Variants in EXPH5 observed in about 807,000 individuals in gnomAD.
EXPH5 encodes exophilin-5.
A neutral mutation model predicts 41.1 loss-of-function variants in EXPH5; 42 were observed. That is an observed-to-expected ratio of 1.02 (90% CI 0.80 to 1.32). EXPH5 has a LOEUF of 1.32. EXPH5 is among the 40% of genes most tolerant of loss of function. The pLI, the probability that EXPH5 is intolerant of heterozygous loss-of-function variation, is 0.00. For missense variants in EXPH5, 2,298 were observed against 2,314.5 expected (o/e 0.99, Z 0.15); for synonymous variants, 798 against 833.5 (o/e 0.96, Z 0.73).
At chr11:108,578,192 C>G (rs1157372273) in intron 1 of EXPH5, among the ~76,000 whole-genome samples, 1 of 152,078 alleles carries the variant, frequency 6.6e-6, no homozygotes, top group Non-Finnish European at 1.5e-5. Flanking sequence ...GTCTTTAATC[C>G]ACTTTGATTT....
intron 1 of EXPH5, among the ~76,000 whole-genome samples, chr11:108,565,676 G>A (rs145657452): frequency 4.2e-4 from 64 of 152,280 alleles, no homozygotes; most frequent in Non-Finnish European, 8.4e-4. Context: ...ATAATCAGGT[G>A]AGGGGTTCTA....
chr11:108,584,296 C>T (rs1237200967), intron 1 of EXPH5, among the ~76,000 whole-genome samples: 3 of 151,824 alleles, frequency 2.0e-5, no homozygotes, highest in Non-Finnish European at 4.4e-5. Flanking sequence ...GCCAACAGGG[C>T]GAAAACTTGT....
In EXPH5 at chr11:108,539,117, G is replaced by C; in HGVS notation, c.350C>G (p.Ser117Cys). The C allele has an allele frequency of 6.2e-7, 1 of 1,611,372 alleles. No individual in the cohort carries two copies. The highest frequency in any genetic ancestry group is 8.5e-7 in the Non-Finnish European group (1 of 1,178,370). Reference sequence around the variant, plus strand: ...AAATGACGATCTGAAGCTCATCCGGGAAGAAAAAGGTGTCGGCTTTTTTTG... The same window carrying C: ...AAATGACGATCTGAAGCTCATCCGGCAAGAAAAAGGTGTCGGCTTTTTTTG... ...TNQKKPTPFS[S>C]RMSFRSSFAS... The change falls in exon 3 of 6, where the codon TCC becomes TGC. Residue 117 changes from serine (S) to cysteine (C), a missense_variant. Physicochemically the swap from Ser to Cys is moderately radical, Grantham distance 112. Coordinates refer to ENST00000265843, the MANE Select transcript of EXPH5 (RefSeq NM_015065.3).
chr11:108,537,439 T>C (rs1305509133), intron 3 of EXPH5, among the ~76,000 whole-genome samples: 1 of 152,234 alleles, frequency 6.6e-6, no homozygotes, highest in African/African-American at 2.4e-5. Flanking sequence ...TTCTGAAAAC[T>C]GCTAAACACA....
upstream of EXPH5, among the ~76,000 whole-genome samples, chr11:108,596,915 C>T (rs551852404): frequency 2.6e-5 from 4 of 152,264 alleles, no homozygotes; most frequent in South Asian, 8.3e-4. Context: ...GTTTTATGGG[C>T]TTATTTAGCC....
At chr11:108,520,271 A>C (rs937856391) in intron 4 of EXPH5, among the ~76,000 whole-genome samples, 10 of 152,166 alleles carry the variant, frequency 6.6e-5, no homozygotes, top group Non-Finnish European at 4.4e-5. Context: ...TGATGATCAG[A>C]GGTGGAACAG....
In EXPH5 at chr11:108,510,486, G is replaced by A. The variant is rs755501292; in HGVS notation, c.5021C>T (p.Pro1674Leu). 3.1e-6 allele frequency: 5 copies of A among 1,614,026 alleles called. No homozygotes were observed. The Admixed American group carries it at 8.3e-5, about 27-fold the overall frequency. Residue 1674 changes from proline (P) to leucine (L), a missense_variant, in exon 6 of 6, where the codon CCC becomes CTC. Coordinates refer to ENST00000265843, the MANE Select transcript of EXPH5 (RefSeq NM_015065.3). ...TTCTCTGTTGGGTAGTACAGTAATG[G>A]GGAGAAGGTTCTCGGATTTCTTCAC... ...KHVKKSENLL[P>L]ITVLPNREPS...
At chr11:108,575,534 T>G (rs953451306) in intron 1 of EXPH5, among the ~76,000 whole-genome samples, 25 of 152,354 alleles carry the variant, frequency 1.6e-4, no homozygotes, top group African/African-American at 5.8e-4. Context: ...TTGGAATGGT[T>G]AACTAAATTA....
At chr11:108,580,177 T>A (rs962653908) in intron 1 of EXPH5, among the ~76,000 whole-genome samples, 2 of 152,096 alleles carry the variant, frequency 1.3e-5, no homozygotes, top group African/African-American at 2.4e-5. Flanking sequence ...ATATCCAGAA[T>A]ACACAATAAA....
chr11:108,589,041 A>C (rs1400859877), intron 1 of EXPH5, among the ~76,000 whole-genome samples: 1 of 152,212 alleles, frequency 6.6e-6, no homozygotes. Context: ...TCCTGAGCAC[A>C]CTTGTGACTT....
At chr11:108,550,398 C>A (rs1033636816) in intron 1 of EXPH5, among the ~76,000 whole-genome samples, 4 of 152,130 alleles carry the variant, frequency 2.6e-5, no homozygotes, top group African/African-American at 9.7e-5. Context: ...ATGAGTGATC[C>A]CCGGCAACCC....
chr11:108,573,141 A>AAAG (rs1290687877), intron 1 of EXPH5, among the ~76,000 whole-genome samples: 2 of 95,228 alleles, frequency 2.1e-5, no homozygotes, highest in African/African-American at 1.1e-4. Flanking sequence ...GGAAAGAAGG[A>AAAG]AAGAAAGAAA....
At chr11:108,516,560 A>G (rs748511450) in intron 5 of EXPH5, among the ~76,000 whole-genome samples, 3 of 152,220 alleles carry the variant, frequency 2.0e-5, no homozygotes, top group Non-Finnish European at 2.9e-5. Context: ...ATTTTATTTC[A>G]ACTGTATAAT....
chr11:108,575,682 T>C (rs1289866694), intron 1 of EXPH5, among the ~76,000 whole-genome samples: 1 of 152,140 alleles, frequency 6.6e-6, no homozygotes, highest in Non-Finnish European at 1.5e-5. Flanking sequence ...TTAAAAGTAA[T>C]GTGGGCGAAG....
Position 108,513,309 on chromosome 11 carries a change from G to C in EXPH5, c.2198C>G (p.Thr733Arg). 1 of 1,613,290 alleles carries C rather than the reference G, an allele frequency of 6.2e-7. No homozygotes were observed. The highest frequency in any genetic ancestry group is 2.2e-5 in the East Asian group (1 of 44,876). ...ATCAGGTAAAGAGTTTGAGATCCCT[G>C]TCTGTGAAACAGGTTGGGGTATTTC... ...AGEIPQPVSQ[T>R]GISNSLPDFQ... Residue 733 changes from threonine to arginine, a missense_variant, in exon 6 of 6, where the codon ACA becomes AGA. Thr to Arg is a moderately conservative substitution (Grantham distance 71). Coordinates refer to ENST00000265843, the MANE Select transcript of EXPH5 (RefSeq NM_015065.3).
intron 1 of EXPH5, among the ~76,000 whole-genome samples, chr11:108,546,762 T>C (rs2093939963): frequency 1.3e-5 from 2 of 152,180 alleles, no homozygotes; most frequent in Admixed American, 1.3e-4. Context: ...TCTTTATAAA[T>C]ACTGCTTTAA....
intron 1 of EXPH5, among the ~76,000 whole-genome samples, chr11:108,543,127 G>A (rs888403665): frequency 2.6e-5 from 4 of 152,142 alleles, no homozygotes; most frequent in Non-Finnish European, 5.9e-5. Flanking sequence ...AATTTGAGAC[G>A]GACAGAAAAG....
In EXPH5 at chr11:108,581,079, GGT is replaced by G. The variant is rs539900271; in HGVS notation, c.119+12337_119+12338del. ...CCCAGCACTTTGGGAGGCTGAGGCA[GGT>G]AGATCACTTGAGCTCAGGAGTTTGA... On this transcript the variant is annotated intron_variant, in intron 1 of 5. Coordinates refer to ENST00000265843, the MANE Select transcript of EXPH5 (RefSeq NM_015065.3). 7.6e-4 allele frequency among the ~76,000 whole-genome samples: 116 copies of G among 152,324 alleles called. 1 individual carries two copies. Among genetic ancestry groups the G allele is most frequent in the African/African-American group, 2.7e-3 (113 of 41,568 alleles).
rs375109423 is a variant in EXPH5, at chr11:108,553,891, A to G, written c.120-12079T>C. ...TACTGGAAAGCTAATCATAGCTAAC[A>G]GTTACAGAGTGCTTGCCCTGGGCCA... is the stretch of plus-strand genomic sequence containing the variant. On this transcript the variant is annotated intron_variant, in intron 1 of 5. Transcript: ENST00000265843. Among the ~76,000 whole-genome samples the G allele has an allele frequency of 8.5e-5, 13 of 152,360 alleles. No homozygotes were observed. In the South Asian group the frequency reaches 2.7e-3, roughly 32 times the overall value.
Sources: gnomAD v4.1 joint callset for allele counts (sites outside exome capture counted in the v4.1 genomes callset) on GRCh38, gnomAD v4.1.1 for gene constraint, MANE v1.5 for transcripts, NCBI Gene and HGNC (gene_info 2026-07-23, HGNC 2026-07-21) for gene names.